ERICH6B: variants seen among roughly 807,000 people sequenced by gnomAD.
ERICH6B encodes the protein glutamate rich 6B, also known as glutamate-rich protein 6B.
ERICH6B carries 69 observed loss-of-function variants against 80.0 expected under a neutral mutation model. The observed-to-expected ratio is 0.86, with a 90% CI of 0.71 to 1.05. The LOEUF (loss-of-function observed/expected upper bound fraction) is 1.05, where lower values mean the gene tolerates loss of function less well. Ranked by LOEUF, ERICH6B falls within the 50% of genes least tolerant of loss-of-function variation. The pLI is 0.00. For synonymous variants in ERICH6B, 283 were observed against 291.9 expected, an observed-to-expected ratio of 0.97 and a Z score of 0.31; for missense variants, 754 against 796.1, an observed-to-expected ratio of 0.95 and a Z score of 0.64.
chr13:45,563,813 A>T, intron 9 of ERICH6B, 25 bp from the exon 10 acceptor site: 1 of 1,541,662 alleles, frequency 6.5e-7, no homozygotes, highest in East Asian at 2.4e-5. Context: ...GATCATCTTT[A>T]GAAGCCAAGA....
chr13:45,571,300 C>T (rs1017890773), intron 8 of ERICH6B, among the ~76,000 whole-genome samples: 2 of 152,120 alleles, frequency 1.3e-5, no homozygotes, highest in Admixed American at 6.5e-5. Context: ...AGTCTTTACA[C>T]CCTAATCATA....
intron 9 of ERICH6B, among the ~76,000 whole-genome samples, chr13:45,567,524 TTA>T (rs368272679): frequency 7.9e-5 from 12 of 152,182 alleles, no homozygotes; most frequent in African/African-American, 2.7e-4. Flanking sequence ...CTGATGGTTA[TTA>T]TAAGGAGGAG....
intron 5 of ERICH6B, among the ~76,000 whole-genome samples, chr13:45,584,022 G>T (rs553936784): frequency 2.0e-5 from 3 of 152,164 alleles, no homozygotes; most frequent in Admixed American, 6.5e-5. Context: ...ACGAAGACTG[G>T]TTTTTTGTAG....
At chr13:45,594,287 G>A (rs914832246) in intron 3 of ERICH6B, among the ~76,000 whole-genome samples, 8 of 152,096 alleles carry the variant, frequency 5.3e-5, no homozygotes, top group African/African-American at 1.7e-4. Context: ...TGTTTTTTCA[G>A]TGCCTCTCCA....
chr13:45,606,547 A>ATTTTTTT (rs71074722), intron 2 of ERICH6B, among the ~76,000 whole-genome samples: 61 of 16,530 alleles, frequency 3.7e-3, no homozygotes, highest in East Asian at 0.011. Flanking sequence ...ATATATATAT[A>ATTTTTTT]TTTTTTTTTT....
intron 4 of ERICH6B, among the ~76,000 whole-genome samples, chr13:45,590,178 C>T (rs1451174019): frequency 6.6e-6 from 1 of 151,650 alleles, no homozygotes; most frequent in African/African-American, 2.4e-5. Flanking sequence ...TCTCTTATTC[C>T]ACAGATATTT....
chr13:45,576,831 C>T (rs974875838), intron 7 of ERICH6B, among the ~76,000 whole-genome samples: 5 of 152,146 alleles, frequency 3.3e-5, no homozygotes, highest in African/African-American at 1.2e-4. Flanking sequence ...ACATTCGAGT[C>T]AATGTAATAA....
chr13:45,596,751 A>G lies in ERICH6B; in HGVS notation c.255T>C (p.Tyr85=). The G allele has an allele frequency of 7.1e-6, 11 of 1,551,300 alleles. No individual in the cohort carries two copies. Among genetic ancestry groups the G allele is most frequent in the Non-Finnish European group, 9.6e-6 (11 of 1,146,944 alleles). Residue 85 remains tyrosine, a synonymous_variant, in exon 3 of 15, where the codon TAT becomes TAC. Coordinates refer to ENST00000298738, the MANE Select transcript of ERICH6B (RefSeq NM_182542.3). ...GKEEYLKEEE[Y]LGKEEHLEEE... is the part of the protein sequence containing the mutation. ...CCTCCAGATGCTCTTCCTTCCCCAG[A>G]TACTCTTCCTCCTTCAAGTATTCTT...
intron 9 of ERICH6B, among the ~76,000 whole-genome samples, chr13:45,566,329 T>G (rs1008687403): frequency 2.6e-5 from 4 of 152,212 alleles, no homozygotes; most frequent in African/African-American, 9.6e-5. Flanking sequence ...GAAATTTGCA[T>G]AAGTAACGAG....
At chr13:45,560,083 T>C (rs1040834142) in intron 11 of ERICH6B, among the ~76,000 whole-genome samples, 4 of 152,322 alleles carry the variant, frequency 2.6e-5, no homozygotes, top group Admixed American at 2.0e-4. Context: ...ATATTTAGGA[T>C]TGTGATATTT....
Position 45,586,150 on chromosome 13 carries a change from G to T in ERICH6B, c.856+913C>A, listed in dbSNP as rs1472767559. On this transcript the variant is annotated intron_variant, in intron 5 of 14. Transcript: ENST00000298738. ...ACACACGCTGAAAAAGGTCCCCAGT[G>T]AACCGATGTAGCCTGTGAAACACTC... Among the ~76,000 whole-genome samples, 3 of 152,116 alleles carry T rather than the reference G, an allele frequency of 2.0e-5. No homozygotes were observed. In the South Asian group the frequency reaches 6.2e-4, roughly 32 times the overall value.
Position 45,541,338 on chromosome 13 carries a change from G to T in ERICH6B, c.*124C>A. 1 of 806,352 alleles carries T rather than the reference G, an allele frequency of 1.2e-6. No individual in the cohort carries two copies. The highest frequency in any genetic ancestry group is 2.0e-6 in the Non-Finnish European group (1 of 511,798). 49.9% of individuals were successfully genotyped at this position (806,352 alleles called of 1,614,324 possible). On this transcript the variant is annotated 3_prime_UTR_variant, in exon 15 of 15. Transcript: ENST00000298738. ...TGTTTACTTCAAATCAAGGAGCCACGACAGGTCCCAAATTACAAACCAACT... is the reference window on the plus strand; with the variant it reads ...TGTTTACTTCAAATCAAGGAGCCACTACAGGTCCCAAATTACAAACCAACT...
At chr13:45,588,011 C>T (rs192817430) in intron 4 of ERICH6B, among the ~76,000 whole-genome samples, 13 of 152,282 alleles carry the variant, frequency 8.5e-5, no homozygotes, top group Non-Finnish European at 1.8e-4. Context: ...GCTCTTGACA[C>T]CTGAGCTTAA....
chr13:45,553,934 T>A (rs1428020272), intron 11 of ERICH6B, among the ~76,000 whole-genome samples: 1 of 152,212 alleles, frequency 6.6e-6, no homozygotes, highest in African/African-American at 2.4e-5. Context: ...CTATTTAACA[T>A]ATGCATTACC....
rs1873941264 is a variant in ERICH6B, at chr13:45,545,082, A to G, written c.1647-97T>C. On this transcript the variant is annotated intron_variant, in intron 13 of 14. Coordinates refer to ENST00000298738, the MANE Select transcript of ERICH6B (RefSeq NM_182542.3). ...CCCTTTCTTTTCCCCTACTTGGCAC[A>G]GAAAGACTGACAGGGACTTGATGGG... The G allele has an allele frequency of 3.9e-6, 4 of 1,032,654 alleles. 1 individual carries two copies. In the South Asian group the frequency reaches 6.6e-5, roughly 17 times the overall value. 64.0% of individuals were successfully genotyped at this position (1,032,654 alleles called of 1,614,324 possible).
At chr13:45,552,370 G>GCACA (rs1874256973) in intron 11 of ERICH6B, among the ~76,000 whole-genome samples, 1 of 152,040 alleles carries the variant, frequency 6.6e-6, no homozygotes, top group Non-Finnish European at 1.5e-5. Flanking sequence ...ACACACACCT[G>GCACA]GCTCAGAAGC....
intron 10 of ERICH6B, among the ~76,000 whole-genome samples, chr13:45,562,475 G>A (rs1874726067): frequency 6.6e-6 from 1 of 152,206 alleles, no homozygotes; most frequent in African/African-American, 2.4e-5. Context: ...CAAGCCTAGT[G>A]GCTTTTGATA....
At chr13:45,576,057 T>C (rs1875388770) in intron 7 of ERICH6B, among the ~76,000 whole-genome samples, 2 of 152,208 alleles carry the variant, frequency 1.3e-5, no homozygotes, top group African/African-American at 4.8e-5. Context: ...TCTTATGCCT[T>C]TGGGGACAGA....
chr13:45,574,810 G>GGT lies in ERICH6B; in HGVS notation c.1050+31_1050+32insAC, dbSNP rs112996787. ...GCCACCCTACATTTGGAGGAAGCTGGGGGGGGGGTCTCAAGTTTTTATCCA... is the reference window on the plus strand; with the variant it reads ...GCCACCCTACATTTGGAGGAAGCTGGGTGGGGGGGGTCTCAAGTTTTTATCCA... On this transcript the variant is annotated intron_variant, in intron 8 of 14. Transcript: ENST00000298738. 2.8e-6 allele frequency: 4 copies of GGT among 1,421,848 alleles called. No homozygotes were observed. The African/African-American group carries it at 6.9e-5, about 24-fold the overall frequency. 88.1% of individuals were successfully genotyped at this position (1,421,848 alleles called of 1,614,324 possible). A position where few individuals can be genotyped will look rare whatever the true frequency, so the allele number is the denominator to read the frequency against.
Sources: gnomAD v4.1 joint callset for allele counts (sites outside exome capture counted in the v4.1 genomes callset) on GRCh38, gnomAD v4.1.1 for gene constraint, MANE v1.5 for transcripts, NCBI Gene and HGNC (gene_info 2026-07-23, HGNC 2026-07-21) for gene names.